Variants in FNDC3B observed in about 807,000 individuals in gnomAD.
FNDC3B encodes fibronectin type III domain containing 3B, also known as fibronectin type III domain-containing protein 3B.
FNDC3B carries 12 observed loss-of-function variants against 151.5 expected under a neutral mutation model. The observed-to-expected ratio is 0.08, with a 90% CI of 0.05 to 0.13. FNDC3B has a LOEUF of 0.13. FNDC3B is among the 10% of genes least tolerant of loss of function. The pLI is 1.00. For synonymous variants in FNDC3B, 528 were observed against 549.0 expected (o/e 0.96, Z 0.54); for missense variants, 1,214 against 1,505.3 (o/e 0.81, Z 3.20).
chr3:172,261,211 C>T (rs1560044868), intron 6 of FNDC3B, among the ~76,000 whole-genome samples: 1 of 152,070 alleles, frequency 6.6e-6, no homozygotes, highest in African/African-American at 2.4e-5. Context: ...ATGGGGGTGG[C>T]GAGGCATCAT....
chr3:172,295,082 C>A (rs886683945), intron 7 of FNDC3B, among the ~76,000 whole-genome samples: 1 of 152,024 alleles, frequency 6.6e-6, no homozygotes, highest in Non-Finnish European at 1.5e-5. Flanking sequence ...TTTTTACTTA[C>A]GTTAAAAAAA....
chr3:172,195,638 A>G (rs1560012540), intron 3 of FNDC3B, among the ~76,000 whole-genome samples: 1 of 152,208 alleles, frequency 6.6e-6, no homozygotes, highest in East Asian at 1.9e-4. Flanking sequence ...ACATTTTGAG[A>G]AACTCTGTTC....
chr3:172,291,573 A>G (rs1472119492), intron 7 of FNDC3B, among the ~76,000 whole-genome samples: 3 of 152,216 alleles, frequency 2.0e-5, no homozygotes, highest in Admixed American at 6.5e-5. Context: ...AATGTATACT[A>G]GTAACCTATA....
chr3:172,204,974 G>A (rs957977641), intron 3 of FNDC3B, among the ~76,000 whole-genome samples: 7 of 152,186 alleles, frequency 4.6e-5, no homozygotes, highest in African/African-American at 1.7e-4. Context: ...GCTTCACTCG[G>A]CATTGTAGTG....
Position 172,264,370 on chromosome 3 carries a change from A to G in FNDC3B, c.790+12829A>G, listed in dbSNP as rs111425592. ...CTGCTACCCATAGTTGGAATGAGAG[A>G]TACAGTAATCATCTAAATCTTAGCC... On this transcript the variant is annotated intron_variant, in intron 6 of 25. Coordinates refer to ENST00000415807, the MANE Select transcript of FNDC3B (RefSeq NM_022763.4). Among the ~76,000 whole-genome samples, 461 of 152,298 alleles carry G rather than the reference A, an allele frequency of 3.0e-3. 4 individuals are homozygous for G. The highest frequency in any genetic ancestry group is 0.011 in the African/African-American group (447 of 41,560).
intron 6 of FNDC3B, among the ~76,000 whole-genome samples, chr3:172,262,483 A>G (rs1017661316): frequency 6.6e-6 from 1 of 152,250 alleles, no homozygotes; most frequent in Non-Finnish European, 1.5e-5. Context: ...GAACTTTGCA[A>G]GGAGTAGCAG....
chr3:172,307,256 G>A (rs1048741100), intron 9 of FNDC3B, 107 bp from the exon 10 acceptor site: 28 of 1,165,174 alleles, frequency 2.4e-5, no homozygotes, highest in African/African-American at 1.7e-4. Flanking sequence ...TACTCACTCC[G>A]TAAGAAATTC....
intron 1 of FNDC3B, among the ~76,000 whole-genome samples, chr3:172,090,003 GA>G (rs1460512500): frequency 6.6e-6 from 1 of 152,162 alleles, no homozygotes; most frequent in African/African-American, 2.4e-5. Flanking sequence ...TATATGAGTT[GA>G]ACAGTTGTGT....
At chr3:172,114,499 C>T (rs1720145303) in intron 2 of FNDC3B, among the ~76,000 whole-genome samples, 1 of 152,168 alleles carries the variant, frequency 6.6e-6, no homozygotes. Context: ...GTCTGTAATT[C>T]AGCTTGCCCA....
chr3:172,100,618 A>G (rs1310367333), intron 1 of FNDC3B, among the ~76,000 whole-genome samples: 1 of 152,158 alleles, frequency 6.6e-6, no homozygotes, highest in Admixed American at 6.6e-5. Context: ...TCCCTTACAC[A>G]GTATGTCTTT....
intron 3 of FNDC3B, among the ~76,000 whole-genome samples, chr3:172,148,264 T>C (rs1410093112): frequency 6.6e-6 from 1 of 152,114 alleles, no homozygotes; most frequent in Non-Finnish European, 1.5e-5. Flanking sequence ...ATAAAAAATA[T>C]GAAAAATATT....
chr3:172,262,254 G>A (rs894870928), intron 6 of FNDC3B, among the ~76,000 whole-genome samples: 1 of 152,208 alleles, frequency 6.6e-6, no homozygotes, highest in African/African-American at 2.4e-5. Flanking sequence ...TTTCCCAGAG[G>A]GGTTGGGTGG....
intron 2 of FNDC3B, among the ~76,000 whole-genome samples, chr3:172,133,018 A>C (rs1358282614): frequency 2.0e-5 from 3 of 152,184 alleles, no homozygotes; most frequent in Admixed American, 2.0e-4. Context: ...TTTTTCTTGT[A>C]AATATTTTTT....
intron 3 of FNDC3B, among the ~76,000 whole-genome samples, chr3:172,197,385 T>C (rs1560013350): frequency 1.3e-5 from 2 of 152,190 alleles, no homozygotes; most frequent in Non-Finnish European, 2.9e-5. Context: ...AATTGGTCTC[T>C]TGATGCCCAT....
chr3:172,268,408 T>C (rs1400339634), intron 6 of FNDC3B, among the ~76,000 whole-genome samples: 2 of 152,142 alleles, frequency 1.3e-5, no homozygotes, highest in African/African-American at 4.8e-5. Flanking sequence ...CCTGATTGTA[T>C]AAATAGGGCA....
intron 3 of FNDC3B, among the ~76,000 whole-genome samples, chr3:172,190,757 C>T (rs1373963752): frequency 6.6e-6 from 1 of 152,188 alleles, no homozygotes; most frequent in Non-Finnish European, 1.5e-5. Flanking sequence ...CAACCTCCAC[C>T]TCCTGGGTTC....
At chr3:172,137,680 T>G (rs1721439018) in intron 3 of FNDC3B, among the ~76,000 whole-genome samples, 1 of 152,144 alleles carries the variant, frequency 6.6e-6, no homozygotes, top group Non-Finnish European at 1.5e-5. Context: ...TATGGGAATG[T>G]CCTTGGTGAT....
intron 11 of FNDC3B, among the ~76,000 whole-genome samples, chr3:172,313,940 CTT>C (rs10568652): frequency 0.061 from 9,343 of 152,160 alleles, 1,012 homozygotes; most frequent in African/African-American, 0.21. Flanking sequence ...GAGTAGCTCA[CTT>C]GGGTTGGTCT....
chr3:172,266,309 C>G (rs1200052555), intron 6 of FNDC3B, among the ~76,000 whole-genome samples: 2 of 152,114 alleles, frequency 1.3e-5, no homozygotes, highest in African/African-American at 4.8e-5. Flanking sequence ...TTTCCTGTGA[C>G]TAACAAATCA....
Sources: gnomAD v4.1 joint callset for allele counts (sites outside exome capture counted in the v4.1 genomes callset) on GRCh38, gnomAD v4.1.1 for gene constraint, MANE v1.5 for transcripts, NCBI Gene and HGNC (gene_info 2026-07-23, HGNC 2026-07-21) for gene names.